Variants in FAM135A observed in about 807,000 individuals in gnomAD.
FAM135A encodes the protein protein FAM135A.
A neutral mutation model predicts 146.8 loss-of-function variants in FAM135A; 79 were observed. That is an observed-to-expected ratio of 0.54 (90% CI 0.45 to 0.65). FAM135A has a LOEUF of 0.65. FAM135A is among the 30% of genes least tolerant of loss of function. The pLI is 0.00. For missense variants in FAM135A, 1,623 were observed against 1,758.2 expected (o/e 0.92, Z 1.38); for synonymous variants, 562 against 603.6 (o/e 0.93, Z 1.01).
chr6:70,510,897 G>GT (rs1790844120), intron 12 of FAM135A, among the ~76,000 whole-genome samples: 1 of 151,926 alleles, frequency 6.6e-6, no homozygotes, highest in Non-Finnish European at 1.5e-5. Context: ...AATGTACAAG[G>GT]ATTCTAATTT....
rs1273014470 is a variant in FAM135A at position 70,525,750 on chromosome 6, G to A, written c.2666G>A (p.Ser889Asn). 2 of 1,613,252 alleles carry A rather than the reference G, an allele frequency of 1.2e-6. No individual in the cohort carries two copies. The highest frequency in any genetic ancestry group is 1.7e-6 in the Non-Finnish European group (2 of 1,179,622). Residue 889 changes from serine (S) to asparagine (N), a missense_variant, in exon 15 of 22, where the codon AGT becomes AAT. Physicochemically the swap from Ser to Asn is conservative, Grantham distance 46 (BLOSUM62 1). Coordinates refer to ENST00000418814, the MANE Select transcript of FAM135A (RefSeq NM_001162529.3). ...AAATGTGATGATACTAAAAAGTCAA[G>A]TATCACTTTGCAACAGCAGAGTGTT... ...LPKCDDTKKS[S>N]ITLQQQSVVF...
chr6:70,534,237 G>C (rs572674428), intron 18 of FAM135A, among the ~76,000 whole-genome samples: 3 of 145,724 alleles, frequency 2.1e-5, no homozygotes, highest in African/African-American at 7.7e-5. Flanking sequence ...GGCTCTGTGA[G>C]TTACATATAT....
intron 4 of FAM135A, among the ~76,000 whole-genome samples, chr6:70,447,005 G>A (rs548614707): frequency 2.0e-5 from 3 of 152,218 alleles, no homozygotes; most frequent in South Asian, 4.1e-4. Context: ...GTTGTCCATC[G>A]GGCCCTTCAC....
intron 4 of FAM135A, among the ~76,000 whole-genome samples, chr6:70,431,053 C>T (rs1329525717): frequency 1.3e-5 from 2 of 152,116 alleles, no homozygotes; most frequent in African/African-American, 2.4e-5. Flanking sequence ...CCATTTTCCT[C>T]ATCTCCTATA....
chr6:70,514,247 T>C (rs536915943), intron 12 of FAM135A, among the ~76,000 whole-genome samples: 1 of 152,244 alleles, frequency 6.6e-6, no homozygotes, highest in Non-Finnish European at 1.5e-5. Context: ...ATTAACTCTT[T>C]TCTGTAGCAA....
intron 7 of FAM135A, among the ~76,000 whole-genome samples, chr6:70,475,951 T>C (rs1782561046): frequency 6.6e-6 from 1 of 152,146 alleles, no homozygotes; most frequent in African/African-American, 2.4e-5. Context: ...GTTAAAGAAA[T>C]ATGGAACAAT....
chr6:70,532,289 G>GT (rs1314144203), intron 16 of FAM135A, among the ~76,000 whole-genome samples: 6 of 151,878 alleles, frequency 4.0e-5, no homozygotes, highest in African/African-American at 9.7e-5. Flanking sequence ...CCCATACGTA[G>GT]TTTTTTTTAT....
chr6:70,541,020 T>C (rs1245113461), intron 20 of FAM135A, among the ~76,000 whole-genome samples: 1 of 152,232 alleles, frequency 6.6e-6, no homozygotes, highest in Non-Finnish European at 1.5e-5. Flanking sequence ...TCTTTCTACC[T>C]ACCAACATTA....
At chr6:70,485,729 T>C (rs1437865752) in intron 10 of FAM135A, among the ~76,000 whole-genome samples, 2 of 152,216 alleles carry the variant, frequency 1.3e-5, no homozygotes, top group Non-Finnish European at 2.9e-5. Context: ...TTTGCCTTTC[T>C]CTTTTCTCCC....
At chr6:70,499,153 G>A (rs945862894) in intron 11 of FAM135A, among the ~76,000 whole-genome samples, 1 of 152,116 alleles carries the variant, frequency 6.6e-6, no homozygotes, top group Non-Finnish European at 1.5e-5. Flanking sequence ...ATGAATCTGG[G>A]TTCTCCTGTA....
At chr6:70,537,438 T>TGGTG (rs1214363956) in intron 19 of FAM135A, among the ~76,000 whole-genome samples, 3 of 152,196 alleles carry the variant, frequency 2.0e-5, no homozygotes, top group Non-Finnish European at 4.4e-5. Flanking sequence ...CATTTCAAGT[T>TGGTG]GGTGATTTAA....
chr6:70,416,316 T>G (rs985675224), intron 2 of FAM135A, among the ~76,000 whole-genome samples: 8 of 152,202 alleles, frequency 5.3e-5, no homozygotes, highest in Non-Finnish European at 7.3e-5. Context: ...TTGCCACGAG[T>G]TGACACTGAA....
At chr6:70,465,227 T>A (rs1780217486) in intron 5 of FAM135A, among the ~76,000 whole-genome samples, 1 of 152,134 alleles carries the variant, frequency 6.6e-6, no homozygotes, top group African/African-American at 2.4e-5. Context: ...TAAGGCTGAA[T>A]AATATTCTTT....
At position 70,449,076 on chromosome 6, in the gene FAM135A, T is replaced by G. The variant is rs558669272; in HGVS notation, c.78-3416T>G. On this transcript the variant is annotated intron_variant, in intron 4 of 21. Transcript: ENST00000418814. ...AGGTTTCTTCCCTCAAAATGGTTAA[T>G]ATAGAATGGGCTTTCCCTGATACAT... is the stretch of plus-strand genomic sequence containing the variant. Among the ~76,000 whole-genome samples the G allele has an allele frequency of 2.3e-4, 35 of 152,358 alleles. 1 individual carries two copies. In the South Asian group the frequency reaches 5.0e-3, roughly 22 times the overall value.
At chr6:70,448,728 A>G (rs1226503460) in intron 4 of FAM135A, among the ~76,000 whole-genome samples, 1 of 152,216 alleles carries the variant, frequency 6.6e-6, no homozygotes, top group African/African-American at 2.4e-5. Flanking sequence ...CATTGTTTCT[A>G]TGGATATTAG....
chr6:70,500,202 C>T (rs1431990710), intron 11 of FAM135A, among the ~76,000 whole-genome samples: 3 of 152,044 alleles, frequency 2.0e-5, no homozygotes, highest in Non-Finnish European at 4.4e-5. Flanking sequence ...TTTGTCTAAT[C>T]TTGTCTTCAT....
chr6:70,507,161 G>A (rs1199736007), intron 12 of FAM135A, among the ~76,000 whole-genome samples: 1 of 152,040 alleles, frequency 6.6e-6, no homozygotes, highest in African/African-American at 2.4e-5. Flanking sequence ...AATGAATCAT[G>A]GAAGGATAAT....
intron 12 of FAM135A, among the ~76,000 whole-genome samples, chr6:70,506,913 T>C (rs1561934981): frequency 6.6e-6 from 1 of 151,976 alleles, no homozygotes; most frequent in Non-Finnish European, 1.5e-5. Context: ...GAGGCAACTT[T>C]ATAGCTTGAT....
intron 5 of FAM135A, among the ~76,000 whole-genome samples, chr6:70,454,784 A>C (rs576124000): frequency 2.0e-5 from 3 of 152,182 alleles, no homozygotes; most frequent in Non-Finnish European, 2.9e-5. Context: ...TTTTGGTACC[A>C]GTGCCATGCT....
Sources: gnomAD v4.1 joint callset for allele counts (sites outside exome capture counted in the v4.1 genomes callset) on GRCh38, gnomAD v4.1.1 for gene constraint, MANE v1.5 for transcripts, NCBI Gene and HGNC (gene_info 2026-07-23, HGNC 2026-07-21) for gene names.